The following CDH12 variants were observed in gnomAD, a reference collection of about 807,000 sequenced individuals.
The protein encoded by CDH12 is cadherin-12.
CDH12 carries 41 observed loss-of-function variants against 74.1 expected under a neutral mutation model. The observed-to-expected ratio is 0.55, with a 90% CI of 0.43 to 0.72. CDH12 has a LOEUF of 0.72. Among genes scored for constraint, CDH12 ranks in the 30% least tolerant of loss-of-function variants. The probability of loss-of-function intolerance (pLI) is 0.00; values close to 1 mark genes in which losing one functional copy is unlikely to be tolerated. For missense variants in CDH12, 945 were observed against 977.2 expected (o/e 0.97, Z 0.44); for synonymous variants, 399 against 355.0 (o/e 1.12, Z -1.39).
chr5:21,850,387 C>T (rs1274141722), intron 7 of CDH12, among the ~76,000 whole-genome samples: 2 of 151,086 alleles, frequency 1.3e-5, no homozygotes, highest in East Asian at 1.9e-4. Flanking sequence ...ACTATAGAAA[C>T]CATTTATATG....
intron 4 of CDH12, among the ~76,000 whole-genome samples, chr5:22,121,207 T>G (rs1164460953): frequency 6.6e-6 from 1 of 152,274 alleles, no homozygotes; most frequent in East Asian, 1.9e-4. Flanking sequence ...GAAGAGGCAT[T>G]GATGGCATTT....
At chr5:22,808,026 C>T (rs1418844947) in intron 1 of CDH12, among the ~76,000 whole-genome samples, 1 of 152,192 alleles carries the variant, frequency 6.6e-6, no homozygotes, top group East Asian at 1.9e-4. Context: ...TCATTATAAT[C>T]TTATGGGACC....
intron 3 of CDH12, among the ~76,000 whole-genome samples, chr5:22,253,071 A>G (rs1249743024): frequency 6.6e-6 from 1 of 151,978 alleles, no homozygotes; most frequent in Non-Finnish European, 1.5e-5. Context: ...AGCACCTAGC[A>G]CCATGTTGAC....
intron 2 of CDH12, among the ~76,000 whole-genome samples, chr5:22,460,073 T>G (rs964379289): frequency 6.6e-6 from 1 of 151,988 alleles, no homozygotes; most frequent in Non-Finnish European, 1.5e-5. Flanking sequence ...AAATGAAAAA[T>G]TAGAGAAAGC....
At chr5:22,755,381 A>G (rs1457267242) in intron 1 of CDH12, among the ~76,000 whole-genome samples, 1 of 152,100 alleles carries the variant, frequency 6.6e-6, no homozygotes, top group Admixed American at 6.5e-5. Context: ...TCAGTGGTAA[A>G]TTGTTCAGCT....
intron 1 of CDH12, among the ~76,000 whole-genome samples, chr5:22,828,089 C>T (rs191444037): frequency 3.0e-4 from 45 of 152,134 alleles, no homozygotes; most frequent in Non-Finnish European, 1.2e-4. Flanking sequence ...TTGTGGGATC[C>T]AGAGGCAGAA....
chr5:21,988,666 G>C (rs941798882), intron 5 of CDH12, among the ~76,000 whole-genome samples: 3 of 152,012 alleles, frequency 2.0e-5, no homozygotes, highest in Non-Finnish European at 2.9e-5. Context: ...CAAAAAAAGC[G>C]GTGGGAAAAG....
intron 1 of CDH12, among the ~76,000 whole-genome samples, chr5:22,835,720 T>A (rs1310350268): frequency 6.6e-6 from 1 of 152,176 alleles, no homozygotes; most frequent in Non-Finnish European, 1.5e-5. Context: ...TATTCTATAT[T>A]TATTTATTTC....
intron 3 of CDH12, among the ~76,000 whole-genome samples, chr5:22,366,364 T>G (rs1741031175): frequency 2.6e-5 from 4 of 152,106 alleles, no homozygotes. Flanking sequence ...GCTTTATATA[T>G]AGATAATATG....
intron 8 of CDH12, among the ~76,000 whole-genome samples, chr5:21,833,464 ATT>A (rs1749336574): frequency 1.2e-5 from 1 of 84,878 alleles, no homozygotes; most frequent in Middle Eastern, 5.7e-3. Context: ...TATGATATAT[ATT>A]ATTATATATC....
At chr5:22,544,505 G>A (rs1738233819) in intron 1 of CDH12, among the ~76,000 whole-genome samples, 1 of 152,068 alleles carries the variant, frequency 6.6e-6, no homozygotes. Context: ...ATCTTAGAGT[G>A]AGTAGCAGGT....
At chr5:22,654,842 G>A (rs1485714071) in intron 1 of CDH12, among the ~76,000 whole-genome samples, 1 of 151,190 alleles carries the variant, frequency 6.6e-6, no homozygotes, top group Non-Finnish European at 1.5e-5. Flanking sequence ...TGTTGGTCAG[G>A]CTGGTCTCGA....
At chr5:22,754,372 C>G (rs1455499449) in intron 1 of CDH12, among the ~76,000 whole-genome samples, 1 of 152,058 alleles carries the variant, frequency 6.6e-6, no homozygotes, top group African/African-American at 2.4e-5. Context: ...ACAGAGATAA[C>G]AGGCCAGATG....
chr5:21,795,670 A>C (rs1746739795), intron 10 of CDH12, among the ~76,000 whole-genome samples: 1 of 151,980 alleles, frequency 6.6e-6, no homozygotes, highest in Admixed American at 6.6e-5. Context: ...GAGGTAGATG[A>C]GAAAGAGAGC....
At chr5:21,848,621 G>T (rs1750305088) in intron 7 of CDH12, among the ~76,000 whole-genome samples, 1 of 151,854 alleles carries the variant, frequency 6.6e-6, no homozygotes, top group South Asian at 2.1e-4. Flanking sequence ...ATTTGTATAT[G>T]ATTTTTTAAA....
At chr5:22,631,525 G>A (rs919602280) in intron 1 of CDH12, among the ~76,000 whole-genome samples, 2 of 152,050 alleles carry the variant, frequency 1.3e-5, no homozygotes, top group African/African-American at 2.4e-5. Flanking sequence ...TAAGTGAACC[G>A]GTGCAGGGAC....
At chr5:22,836,390 ATT>A (rs900842348) in intron 1 of CDH12, among the ~76,000 whole-genome samples, 1 of 149,266 alleles carries the variant, frequency 6.7e-6, no homozygotes, top group Non-Finnish European at 1.5e-5. Context: ...TTCTCGGCTA[ATT>A]TTTTTTTCTT....
intron 1 of CDH12, chr5:22,639,074 A>G (rs1321531501): frequency 4.1e-5 from 5 of 120,490 alleles, no homozygotes; most frequent in African/African-American, 1.7e-4. Flanking sequence ...AAAAAAAAAA[A>G]AAAAAAAAAA....
chr5:21,851,642 T>A (rs1750474037), intron 7 of CDH12, among the ~76,000 whole-genome samples: 1 of 151,290 alleles, frequency 6.6e-6, no homozygotes, highest in South Asian at 2.1e-4. Context: ...TAACTCAGAG[T>A]AAATTATTTC....
Sources: gnomAD v4.1 joint callset for allele counts (sites outside exome capture counted in the v4.1 genomes callset) on GRCh38, gnomAD v4.1.1 for gene constraint, MANE v1.5 for transcripts, NCBI Gene and HGNC (gene_info 2026-07-23, HGNC 2026-07-21) for gene names.